ZNF407: variants seen among roughly 807,000 people sequenced by gnomAD.
ZNF407 encodes zinc finger protein 407.
ZNF407 carries 17 observed loss-of-function variants against 131.2 expected under a neutral mutation model. The ratio of observed to expected loss-of-function variants is 0.13; its 90% CI spans 0.09 to 0.19. ZNF407 has a LOEUF of 0.19. Ranked by LOEUF, ZNF407 falls within the 10% of genes least tolerant of loss-of-function variation. ZNF407 has a pLI of 1.00. For synonymous variants in ZNF407, 1,156 were observed against 1,062.0 expected (o/e 1.09, Z -1.72); for missense variants, 2,681 against 2,830.6 (o/e 0.95, Z 1.20).
chr18:74,807,526 C>T (rs1267425237), intron 4 of ZNF407, among the ~76,000 whole-genome samples: 1 of 152,132 alleles, frequency 6.6e-6, no homozygotes, highest in African/African-American at 2.4e-5. Flanking sequence ...GTATCCCCTG[C>T]CCCAGTTGTT....
chr18:74,739,562 A>AG (rs1968499884), intron 3 of ZNF407, among the ~76,000 whole-genome samples: 1 of 151,912 alleles, frequency 6.6e-6, no homozygotes, highest in Admixed American at 6.6e-5. Flanking sequence ...GTTAGCTTAG[A>AG]GGGAGAACAT....
intron 4 of ZNF407, among the ~76,000 whole-genome samples, chr18:74,825,969 T>C (rs545597024): frequency 4.6e-5 from 7 of 152,190 alleles, no homozygotes; most frequent in Non-Finnish European, 7.3e-5. Flanking sequence ...CCTAACCACA[T>C]ACACTAAACT....
Position 74,795,424 on chromosome 18 carries a change from GCTATTAC to G in ZNF407, c.4877+13923_4877+13929del, listed in dbSNP as rs570194853. 7.8e-3 allele frequency among the ~76,000 whole-genome samples: 1,192 copies of G among 152,172 alleles called. 9 individuals are homozygous for G. The highest frequency in any genetic ancestry group is 0.026 in the African/African-American group (1,087 of 41,492). Reference sequence around the variant, plus strand: ...AATATATTTGAGAAACTTTATTCAAGCTATTACTCATCTATTGACATTACAGCATTGG... The same window carrying G: ...AATATATTTGAGAAACTTTATTCAAGTCATCTATTGACATTACAGCATTGG... On this transcript the variant is annotated intron_variant, in intron 4 of 8. Coordinates refer to ENST00000299687, the MANE Select transcript of ZNF407 (RefSeq NM_017757.3).
At chr18:74,676,670 G>A (rs561464579) in intron 3 of ZNF407, among the ~76,000 whole-genome samples, 52 of 152,090 alleles carry the variant, frequency 3.4e-4, no homozygotes, top group South Asian at 1.7e-3. Flanking sequence ...TCCTGACCTC[G>A]TGATCTGCCC....
intron 8 of ZNF407, among the ~76,000 whole-genome samples, chr18:75,060,483 CTCTTT>C (rs1263677053): frequency 6.7e-6 from 1 of 150,166 alleles, no homozygotes; most frequent in African/African-American, 2.4e-5. Flanking sequence ...GGCCCTGCAG[CTCTTT>C]TCTTTTTTTT....
intron 3 of ZNF407, among the ~76,000 whole-genome samples, chr18:74,723,582 T>G (rs941428979): frequency 6.6e-6 from 1 of 152,220 alleles, no homozygotes; most frequent in Non-Finnish European, 1.5e-5. Flanking sequence ...CTTTAGGTGT[T>G]CTGAGTTTAT....
intron 4 of ZNF407, among the ~76,000 whole-genome samples, chr18:74,841,348 T>G (rs1339548380): frequency 6.6e-6 from 1 of 152,134 alleles, no homozygotes; most frequent in Non-Finnish European, 1.5e-5. Context: ...GCTAACTGTT[T>G]ACCACCAGGT....
chr18:74,991,977 C>A (rs917789668), intron 8 of ZNF407, among the ~76,000 whole-genome samples: 5 of 152,234 alleles, frequency 3.3e-5, no homozygotes, highest in African/African-American at 1.2e-4. Flanking sequence ...TCCAGCTTCG[C>A]ATGGCACCAG....
At chr18:75,014,204 T>A (rs1489159472) in intron 8 of ZNF407, among the ~76,000 whole-genome samples, 2 of 152,074 alleles carry the variant, frequency 1.3e-5, no homozygotes, top group Admixed American at 1.3e-4. Flanking sequence ...AGGCAAAGTG[T>A]TTACATTGGG....
chr18:74,901,483 A>G (rs1971524116), intron 7 of ZNF407, among the ~76,000 whole-genome samples: 1 of 152,180 alleles, frequency 6.6e-6, no homozygotes, highest in African/African-American at 2.4e-5. Context: ...AGCATCGGTG[A>G]CAATGTTTTG....
chr18:74,661,704 A>G (rs1411473438), intron 3 of ZNF407, among the ~76,000 whole-genome samples: 1 of 152,158 alleles, frequency 6.6e-6, no homozygotes, highest in African/African-American at 2.4e-5. Flanking sequence ...ACCTGCCTCC[A>G]TTTTAAATAA....
chr18:74,957,836 T>C (rs997138635), intron 8 of ZNF407, among the ~76,000 whole-genome samples: 1 of 152,224 alleles, frequency 6.6e-6, no homozygotes, highest in African/African-American at 2.4e-5. Flanking sequence ...TGGCATATGC[T>C]GTGTACTCAA....
At chr18:74,905,103 A>G (rs1971578234) in intron 7 of ZNF407, among the ~76,000 whole-genome samples, 1 of 152,158 alleles carries the variant, frequency 6.6e-6, no homozygotes, top group Admixed American at 6.5e-5. Flanking sequence ...TTGTAAAATC[A>G]TATCCTCGTT....
chr18:74,762,449 G>C (rs1217392251), intron 3 of ZNF407, among the ~76,000 whole-genome samples: 1 of 152,030 alleles, frequency 6.6e-6, no homozygotes, highest in Non-Finnish European at 1.5e-5. Context: ...TATTTGAAAT[G>C]TATGATTTGA....
intron 7 of ZNF407, among the ~76,000 whole-genome samples, chr18:74,892,453 G>C (rs578142781): frequency 6.6e-6 from 1 of 152,336 alleles, no homozygotes; most frequent in South Asian, 2.1e-4. Context: ...GGCCACGTCA[G>C]TCGCTTGATG....
intron 4 of ZNF407, among the ~76,000 whole-genome samples, chr18:74,813,616 A>G (rs1970228607): frequency 6.6e-6 from 1 of 152,074 alleles, no homozygotes; most frequent in Non-Finnish European, 1.5e-5. Context: ...GGAGCCCTTC[A>G]TCTTAGGGAA....
In ZNF407 at chr18:74,830,253, A is replaced by C. The variant is rs563083450; in HGVS notation, c.4878-46944A>C. Among the ~76,000 whole-genome samples, 6 of 152,104 alleles carry C rather than the reference A, an allele frequency of 3.9e-5. No individual in the cohort carries two copies. In the South Asian group the frequency reaches 1.0e-3, roughly 26 times the overall value. The stretch of plus-strand genomic sequence containing the variant: ...CGGCAGCCCTAGCACACTAATGTAC[A>C]CCCACATTTTAACCTTTTTTAAGAT... On this transcript the variant is annotated intron_variant, in intron 4 of 8. Transcript: ENST00000299687.
At chr18:74,742,557 A>G (rs1285475765) in intron 3 of ZNF407, among the ~76,000 whole-genome samples, 1 of 152,128 alleles carries the variant, frequency 6.6e-6, no homozygotes, top group Non-Finnish European at 1.5e-5. Context: ...ACTCAACTCT[A>G]CCCTTTAAAG....
intron 4 of ZNF407, among the ~76,000 whole-genome samples, chr18:74,829,420 C>T (rs1353340878): frequency 3.3e-5 from 5 of 152,194 alleles, no homozygotes; most frequent in African/African-American, 9.7e-5. Flanking sequence ...TCCATCGTAA[C>T]CTTACCTATT....
Sources: gnomAD v4.1 joint callset for allele counts (sites outside exome capture counted in the v4.1 genomes callset) on GRCh38, gnomAD v4.1.1 for gene constraint, MANE v1.5 for transcripts, NCBI Gene and HGNC (gene_info 2026-07-23, HGNC 2026-07-21) for gene names.